SPATA31H1: variants seen among roughly 807,000 people sequenced by gnomAD.
SPATA31H1 encodes the protein SPATA31 subfamily H member 1, also known as spermatogenesis-associated protein 31H1.
the SPATA31H1 span, chr2:27,582,362 G>A: frequency 6.2e-7 from 1 of 1,614,244 alleles, no homozygotes; most frequent in East Asian, 2.2e-5. Context: ...GTCCCTCTGA[G>A]AGGAGCCGAC....
chr2:27,569,297 T>C, the SPATA31H1 span: 1 of 398,824 alleles, frequency 2.5e-6, no homozygotes, highest in Non-Finnish European at 4.4e-6. Flanking sequence ...TAGGGCCATG[T>C]TCAGAAGTTA....
At chr2:27,569,554 A>T in the SPATA31H1 span, 3 of 398,706 alleles carry the variant, frequency 7.5e-6, no homozygotes, top group Non-Finnish European at 1.3e-5. Flanking sequence ...TTAATTACAG[A>T]ACAAAAACCA....
At chr2:27,575,107 A>G in the SPATA31H1 span, 1 of 398,426 alleles carries the variant, frequency 2.5e-6, no homozygotes, top group African/African-American at 2.1e-5. This position sits in a 1 kb window ranked among gnomAD's most constrained non-coding sequence, Gnocchi z 4.1. Flanking sequence ...TCTGTAGAAT[A>G]TAATCCTGGG....
At chr2:27,546,865 C>CA in the SPATA31H1 span, among the ~76,000 whole-genome samples, 1 of 151,812 alleles carries the variant, frequency 6.6e-6, no homozygotes, top group Non-Finnish European at 1.5e-5. Flanking sequence ...AAAATTAATG[C>CA]AAAAAAATCC....
At chr2:27,578,831 T>C in the SPATA31H1 span, 1 of 1,614,010 alleles carries the variant, frequency 6.2e-7, no homozygotes, top group African/African-American at 1.3e-5. Flanking sequence ...TAGGAGGACT[T>C]TGGGATTCTG....
the SPATA31H1 span, among the ~76,000 whole-genome samples, chr2:27,564,718 G>A: frequency 1.1e-4 from 16 of 151,850 alleles, no homozygotes; most frequent in Non-Finnish European, 1.6e-4. Flanking sequence ...AAGGAGAATC[G>A]CTTGAACCCA....
At chr2:27,579,299 T>C in the SPATA31H1 span, 4 of 1,614,176 alleles carry the variant, frequency 2.5e-6, no homozygotes, top group East Asian at 8.9e-5. Context: ...AGCTTTGTTC[T>C]CAAACATCTT....
At chr2:27,576,825 C>G in the SPATA31H1 span, 1 of 1,614,110 alleles carries the variant, frequency 6.2e-7, no homozygotes, top group South Asian at 1.1e-5. Context: ...AGTGTCTCTG[C>G]AGCAAACTAT....
At chr2:27,560,121 CT>C in the SPATA31H1 span, among the ~76,000 whole-genome samples, 134 of 152,240 alleles carry the variant, frequency 8.8e-4, 1 homozygote, top group African/African-American at 3.1e-3. Context: ...CCACCTCAGC[CT>C]CCCAAAGTGC....
chr2:27,577,754 G>A, the SPATA31H1 span: 1 of 1,614,108 alleles, frequency 6.2e-7, no homozygotes, highest in South Asian at 1.1e-5. The surrounding 1 kb of genome is among the most constrained non-coding windows in gnomAD (Gnocchi z 4.5). Flanking sequence ...TAATATCAGG[G>A]TTAGGACATC....
At chr2:27,572,100 G>A in the SPATA31H1 span, 3 of 398,304 alleles carry the variant, frequency 7.5e-6, no homozygotes, top group Non-Finnish European at 1.3e-5. Flanking sequence ...CCTCAAGTCT[G>A]ACCTACAGTC....
the SPATA31H1 span, chr2:27,581,482 G>A: frequency 1.2e-6 from 2 of 1,612,158 alleles, no homozygotes; most frequent in South Asian, 2.2e-5. Flanking sequence ...TCTCAGAGGA[G>A]CCATCGCGGT....
the SPATA31H1 span, chr2:27,582,588 T>G: frequency 1.3e-6 from 2 of 1,486,468 alleles, no homozygotes; most frequent in Admixed American, 2.2e-5. Context: ...CTTTCCAGGC[T>G]TCTTTCCTGC....
At chr2:27,580,723 T>C in the SPATA31H1 span, 2 of 1,614,052 alleles carry the variant, frequency 1.2e-6, no homozygotes, top group East Asian at 4.5e-5. Flanking sequence ...CCAGACAATT[T>C]GTGGGCAAGC....
chr2:27,553,885 G>A, the SPATA31H1 span, among the ~76,000 whole-genome samples: 10 of 151,874 alleles, frequency 6.6e-5, no homozygotes, highest in African/African-American at 2.4e-4. Context: ...TCACACCACT[G>A]CACTCCAGCC....
At chr2:27,578,991 A>G in the SPATA31H1 span, 1 of 1,614,178 alleles carries the variant, frequency 6.2e-7, no homozygotes, top group East Asian at 2.2e-5. Flanking sequence ...GACAGCTAAC[A>G]TTGTGGAAAA....
chr2:27,551,134 C>A, the SPATA31H1 span, among the ~76,000 whole-genome samples: 2 of 151,960 alleles, frequency 1.3e-5, no homozygotes, highest in Non-Finnish European at 2.9e-5. Flanking sequence ...AAGTGATCCA[C>A]CTGCCTTGGC....
the SPATA31H1 span, chr2:27,577,661 G>A: frequency 6.2e-7 from 1 of 1,614,090 alleles, no homozygotes. This position sits in a 1 kb window ranked among gnomAD's most constrained non-coding sequence, Gnocchi z 4.5. Context: ...AATCTGTGGA[G>A]TTGACTTCTA....
chr2:27,580,952 C>T, the SPATA31H1 span: 2 of 1,614,206 alleles, frequency 1.2e-6, no homozygotes, highest in Admixed American at 1.7e-5. Flanking sequence ...CCACAGATTC[C>T]CAAAGTGGTA....
Sources: allele counts gnomAD v4.1 joint callset (sites outside exome capture counted in the v4.1 genomes callset), GRCh38; gene constraint gnomAD v4.1.1; non-coding constraint Gnocchi (gnomAD v3.1); transcripts MANE v1.5; gene names NCBI Gene and HGNC (gene_info 2026-07-23, HGNC 2026-07-21).